The following SNX29 variants were observed in gnomAD, a reference collection of about 807,000 sequenced individuals.
SNX29 encodes the protein sorting nexin-29.
Under a neutral mutation model 102.1 loss-of-function variants are expected in SNX29, and 78 were observed. The ratio of observed to expected loss-of-function variants is 0.76; its 90% confidence interval spans 0.64 to 0.92. The LOEUF (loss-of-function observed/expected upper bound fraction) is 0.92, where lower values mean the gene tolerates loss of function less well. Among genes scored for constraint, SNX29 ranks in the 40% least tolerant of loss-of-function variants. SNX29 has a pLI of 0.00. For missense variants in SNX29, 1,280 were observed against 1,061.7 expected (o/e 1.21, Z -2.86); for synonymous variants, 580 against 414.5 (o/e 1.40, Z -4.85).
chr16:12,332,640 C>T (rs781400889), intron 15 of SNX29, among the ~76,000 whole-genome samples: 7 of 152,252 alleles, frequency 4.6e-5, no homozygotes, highest in Non-Finnish European at 7.4e-5. Flanking sequence ...TCAAGAACCC[C>T]GTCCTTAGGC....
At chr16:12,544,360 A>G (rs2077487566) in intron 20 of SNX29, among the ~76,000 whole-genome samples, 1 of 152,230 alleles carries the variant, frequency 6.6e-6, no homozygotes, top group Admixed American at 6.5e-5. Flanking sequence ...GGAAAGGAGA[A>G]GTGATGCTGG....
At chr16:12,546,653 GAAGAGTGGAT>G (rs2077623766) in intron 20 of SNX29, 1 of 152,164 alleles carries the variant, frequency 6.6e-6, no homozygotes, top group Admixed American at 6.6e-5. Flanking sequence ...CAATTACCAA[GAAGAGTGGAT>G]AAATCTTCCT....
intron 2 of SNX29, 83 bp from the exon 3 acceptor site, chr16:12,002,908 C>G: frequency 6.5e-7 from 1 of 1,538,402 alleles, no homozygotes; most frequent in Non-Finnish European, 9.0e-7. Flanking sequence ...CTCCCTGACC[C>G]TTAAGCCCTG....
chr16:12,333,545 G>A (rs1596955377), intron 15 of SNX29, among the ~76,000 whole-genome samples: 1 of 152,240 alleles, frequency 6.6e-6, no homozygotes, highest in East Asian at 1.9e-4. Flanking sequence ...TGAATTCAGT[G>A]TACCTTTGTT....
At chr16:12,508,607 C>G (rs1255655226) in intron 19 of SNX29, among the ~76,000 whole-genome samples, 6 of 152,246 alleles carry the variant, frequency 3.9e-5, no homozygotes, top group East Asian at 1.9e-4. Context: ...AGCTCCTGCT[C>G]TCAAAGGGCT....
intron 11 of SNX29, among the ~76,000 whole-genome samples, chr16:12,089,116 GAGAGAGAGAAAAGAGAGA>G (rs1347940858): frequency 1.1e-5 from 1 of 89,642 alleles, no homozygotes; most frequent in Non-Finnish European, 2.3e-5. Flanking sequence ...AGGAGAGAGA[GAGAGAGAGAAAAGAGAGA>G]GAGAGAGAGA....
chr16:12,541,852 C>T (rs1009283587), intron 20 of SNX29, among the ~76,000 whole-genome samples: 1 of 152,144 alleles, frequency 6.6e-6, no homozygotes, highest in African/African-American at 2.4e-5. Flanking sequence ...CTTTGTAGCA[C>T]ATGCCTGGAA....
intron 1 of SNX29, among the ~76,000 whole-genome samples, chr16:11,981,968 G>A (rs558661239): frequency 6.6e-6 from 1 of 152,144 alleles, no homozygotes; most frequent in South Asian, 2.1e-4. Context: ...CCTTTGGGAG[G>A]CCCAGTTGGG....
chr16:12,240,359 G>A (rs1365683880), intron 14 of SNX29, among the ~76,000 whole-genome samples: 1 of 151,862 alleles, frequency 6.6e-6, no homozygotes, highest in Non-Finnish European at 1.5e-5. Flanking sequence ...CTTGGTACGG[G>A]GTATTGTCAT....
At position 12,415,733 on chromosome 16, in the gene SNX29, A is replaced by G. The variant is rs527370262; in HGVS notation, c.2037+12204A>G. ...GACAGGTAGATGGACTCTCCTCCCC[A>G]GCGGGTCTCCATGGGGAACAGTTGG... On this transcript the variant is annotated intron_variant, in intron 18 of 20. Coordinates refer to ENST00000566228, the MANE Select transcript of SNX29 (RefSeq NM_032167.5). Among the ~76,000 whole-genome samples the G allele has an allele frequency of 2.2e-4, 34 of 152,278 alleles. No individual in the cohort carries two copies. The South Asian group carries it at 6.0e-3, about 27-fold the overall frequency.
chr16:12,506,172 G>T (rs757453759), intron 19 of SNX29, among the ~76,000 whole-genome samples: 3 of 152,194 alleles, frequency 2.0e-5, no homozygotes, highest in Non-Finnish European at 4.4e-5. Flanking sequence ...TGTTGACCAG[G>T]CTGGTCTTGA....
At chr16:12,453,548 A>AT (rs879538406) in intron 18 of SNX29, among the ~76,000 whole-genome samples, 2,571 of 146,414 alleles carry the variant, frequency 0.018, 57 homozygotes, top group African/African-American at 0.056. Context: ...GGGCTCAGTA[A>AT]TTTTTTTTTT....
At chr16:12,386,470 G>T (rs1047561515) in intron 16 of SNX29, among the ~76,000 whole-genome samples, 4 of 152,126 alleles carry the variant, frequency 2.6e-5, no homozygotes, top group Non-Finnish European at 5.9e-5. Flanking sequence ...TTCGCAATGT[G>T]AACTGGGTGG....
At chr16:12,144,790 C>G (rs1012060921) in intron 13 of SNX29, among the ~76,000 whole-genome samples, 1 of 152,230 alleles carries the variant, frequency 6.6e-6, no homozygotes, top group Non-Finnish European at 1.5e-5. Context: ...GGCGCGATCT[C>G]TGCTCGCTGG....
chr16:12,510,920 C>A (rs1406497413), intron 19 of SNX29, among the ~76,000 whole-genome samples: 3 of 152,118 alleles, frequency 2.0e-5, no homozygotes, highest in Non-Finnish European at 4.4e-5. Context: ...AGGTGGGGTC[C>A]TTCCTGTGGG....
At chr16:12,547,618 C>T (rs530659875) in intron 20 of SNX29, among the ~76,000 whole-genome samples, 1 of 152,134 alleles carries the variant, frequency 6.6e-6, no homozygotes, top group Non-Finnish European at 1.5e-5. Context: ...CTCAGCACCA[C>T]TAAGCTGTCC....
chr16:12,500,002 A>T (rs546362970), intron 19 of SNX29, among the ~76,000 whole-genome samples: 1 of 151,658 alleles, frequency 6.6e-6, no homozygotes, highest in Non-Finnish European at 1.5e-5. Flanking sequence ...TTAATTTTAA[A>T]TTTTTTACAG....
At chr16:11,998,605 C>A (rs1271800457) in intron 1 of SNX29, among the ~76,000 whole-genome samples, 1 of 152,212 alleles carries the variant, frequency 6.6e-6, no homozygotes, top group Non-Finnish European at 1.5e-5. Context: ...AAATGCTACT[C>A]TGGCTCCACC....
rs79493574 is a variant in SNX29 at position 12,363,442 on chromosome 16, A to C, written c.1899+7163A>C. On this transcript the variant is annotated intron_variant, in intron 16 of 20. Coordinates refer to ENST00000566228, the MANE Select transcript of SNX29 (RefSeq NM_032167.5). ...CAGGGTGTTCGAGTGACTCAGGGTC[A>C]GGACTGTCTACTTTAGGTGGAAACC... 7.5e-4 allele frequency among the ~76,000 whole-genome samples: 114 copies of C among 152,292 alleles called. 2 individuals are homozygous for C. The East Asian group carries it at 0.02, about 27-fold the overall frequency.
Sources: allele counts gnomAD v4.1 joint callset (sites outside exome capture counted in the v4.1 genomes callset), GRCh38; gene constraint gnomAD v4.1.1; transcripts MANE v1.5; gene names NCBI Gene and HGNC (gene_info 2026-07-23, HGNC 2026-07-21).